The following ACER3 variants were observed in gnomAD, a reference collection of about 807,000 sequenced individuals.
ACER3 encodes alkaline ceramidase 3, also known as alkCDase 3.
In ACER3, 16 loss-of-function variants were observed where a neutral mutation model predicts 48.9. The ratio of observed to expected loss-of-function variants is 0.33; its 90% CI spans 0.22 to 0.50. ACER3 has a LOEUF of 0.50. Among genes scored for constraint, ACER3 ranks in the 20% least tolerant of loss-of-function variants. The pLI is 0.98. For missense variants in ACER3, 227 were observed against 326.0 expected, an observed-to-expected ratio of 0.70 and a Z score of 2.34; for synonymous variants, 109 against 107.8, an observed-to-expected ratio of 1.01 and a Z score of -0.07.
At chr11:76,887,666 T>A (rs1434879859) in intron 1 of ACER3, among the ~76,000 whole-genome samples, 1 of 152,134 alleles carries the variant, frequency 6.6e-6, no homozygotes, top group Non-Finnish European at 1.5e-5. Flanking sequence ...CTTAGAAAAG[T>A]GCTACCATTC....
chr11:76,995,513 A>G (rs1948892740), intron 6 of ACER3, among the ~76,000 whole-genome samples: 1 of 152,232 alleles, frequency 6.6e-6, no homozygotes, highest in Non-Finnish European at 1.5e-5. Context: ...ACTGAAAACA[A>G]CTATTAAATA....
At chr11:76,876,256 A>C (rs1945377274) in intron 1 of ACER3, among the ~76,000 whole-genome samples, 2 of 146,458 alleles carry the variant, frequency 1.4e-5, no homozygotes, top group Non-Finnish European at 1.5e-5. Context: ...TCTTTCCAGC[A>C]CAACCACTGT....
intron 5 of ACER3, 35 bp from the exon 6 acceptor site, chr11:76,990,504 C>A: frequency 7.0e-7 from 1 of 1,419,774 alleles, no homozygotes; most frequent in Non-Finnish European, 9.9e-7. Context: ...TCATAATGTA[C>A]TTCATTCACA....
intron 1 of ACER3, among the ~76,000 whole-genome samples, chr11:76,921,995 A>G (rs1428364150): frequency 6.6e-6 from 1 of 152,174 alleles, no homozygotes; most frequent in Non-Finnish European, 1.5e-5. Context: ...ATAGATAAAC[A>G]TCCCAATGAG....
At chr11:76,874,954 C>T (rs1353306385) in intron 1 of ACER3, among the ~76,000 whole-genome samples, 1 of 152,044 alleles carries the variant, frequency 6.6e-6, no homozygotes, top group African/African-American at 2.4e-5. Context: ...TGTCGTTTGT[C>T]ATTTGTAACT....
chr11:76,990,224 C>T (rs539240229), intron 5 of ACER3, among the ~76,000 whole-genome samples: 1 of 152,340 alleles, frequency 6.6e-6, no homozygotes, highest in African/African-American at 2.4e-5. Context: ...GGATTGTCAA[C>T]ATAACCTCTT....
chr11:76,912,943 A>G (rs1946422274), intron 1 of ACER3, among the ~76,000 whole-genome samples: 1 of 152,260 alleles, frequency 6.6e-6, no homozygotes, highest in East Asian at 1.9e-4. Context: ...GACTGAGGCA[A>G]TTTTCAGATC....
chr11:76,886,925 G>A (rs759023868), intron 1 of ACER3, among the ~76,000 whole-genome samples: 16 of 152,076 alleles, frequency 1.1e-4, no homozygotes, highest in Non-Finnish European at 1.9e-4. Context: ...CAATCCTCCC[G>A]CCTTGGCCTC....
rs60360580 is a variant in ACER3 at position 76,909,713 on chromosome 11, G to A, written c.104-16844G>A. ...CAACCATTGTGGAAGACAGTGTGGC[G>A]ATTCCTCAAGGATCTAGAACCAGAA... On this transcript the variant is annotated intron_variant, in intron 1 of 10. Coordinates refer to ENST00000532485, the MANE Select transcript of ACER3 (RefSeq NM_018367.7). 2.6e-3 allele frequency among the ~76,000 whole-genome samples: 393 copies of A among 152,266 alleles called. 4 individuals are homozygous for A. Among genetic ancestry groups the A allele is most frequent in the African/African-American group, 9.0e-3 (372 of 41,544 alleles).
At chr11:77,006,289 G>A (rs1555021023) in intron 7 of ACER3, among the ~76,000 whole-genome samples, 2 of 151,738 alleles carry the variant, frequency 1.3e-5, no homozygotes. Context: ...GCGCCTGGCT[G>A]TCTTTAATAT....
intron 1 of ACER3, among the ~76,000 whole-genome samples, chr11:76,914,592 TTGG>T (rs1946472725): frequency 6.6e-6 from 1 of 152,194 alleles, no homozygotes; most frequent in African/African-American, 2.4e-5. Context: ...TTTTACACTA[TTGG>T]TGGGAGTGTA....
intron 2 of ACER3, among the ~76,000 whole-genome samples, chr11:76,940,770 C>T (rs1947316669): frequency 6.6e-6 from 1 of 152,104 alleles, no homozygotes; most frequent in African/African-American, 2.4e-5. Context: ...AAGTATCCGT[C>T]CCTTCTATAA....
At chr11:76,990,602 A>C (rs531675760) in intron 6 of ACER3, 28 bp downstream of exon 6, 2 of 1,366,074 alleles carry the variant, frequency 1.5e-6, no homozygotes, top group African/African-American at 2.8e-5. Context: ...ATTACACATT[A>C]GATTGTTTAC....
At chr11:76,863,809 G>A (rs1945002917) in intron 1 of ACER3, among the ~76,000 whole-genome samples, 1 of 152,116 alleles carries the variant, frequency 6.6e-6, no homozygotes, top group African/African-American at 2.4e-5. Flanking sequence ...CAAAGATAAG[G>A]AGATTGAAGT....
Position 77,015,107 on chromosome 11 carries a change from G to A in ACER3, c.589G>A (p.Glu197Lys), listed in dbSNP as rs1182179631. The A allele has an allele frequency of 1.3e-6, 2 of 1,486,798 alleles. No individual in the cohort carries two copies. Among genetic ancestry groups the A allele is most frequent in the African/African-American group, 2.8e-5 (2 of 72,320 alleles). The allele number at this position is 1,486,798 out of a possible 1,614,324, so 92.1% of individuals were successfully genotyped here. A position where few individuals can be genotyped will look rare whatever the true frequency, so the allele number is the denominator to read the frequency against. Residue 197 changes from glutamate to lysine, a missense_variant, in exon 8 of 11, where the codon GAG becomes AAG. By Grantham distance (56) the Glu-to-Lys change is moderately conservative (BLOSUM62 1). This residue lies in a region of ACER3 where 195 missense variants were observed against 290.8 expected (regional missense o/e 0.67). Transcript: ENST00000532485. ...TTGGAATATAGATAACATATTTTGT[G>A]AGTCACTGAGGTAAGATATATTTTC... Reference protein sequence around the residue: ...LFWNIDNIFCESLRNFRKKVP... With the variant: ...LFWNIDNIFCKSLRNFRKKVP...
At chr11:76,974,761 G>A (rs751807302) in intron 3 of ACER3, among the ~76,000 whole-genome samples, 4 of 115,020 alleles carry the variant, frequency 3.5e-5, no homozygotes, top group Non-Finnish European at 7.7e-5. Flanking sequence ...AATTTTTACT[G>A]TTGTATGAAG....
At chr11:76,979,533 G>T (rs1948531503) in intron 4 of ACER3, among the ~76,000 whole-genome samples, 1 of 152,036 alleles carries the variant, frequency 6.6e-6, no homozygotes, top group African/African-American at 2.4e-5. Context: ...TGTGCCTGTA[G>T]TCCCAGCTAC....
chr11:77,015,786 G>A (rs1251106597), intron 8 of ACER3, among the ~76,000 whole-genome samples: 1 of 152,142 alleles, frequency 6.6e-6, no homozygotes, highest in Admixed American at 6.6e-5. Flanking sequence ...TCTACAGAAT[G>A]AATGACCTGG....
chr11:77,016,642 A>T (rs1555023385), intron 8 of ACER3, 33 bp from the exon 9 acceptor site: 1 of 1,206,424 alleles, frequency 8.3e-7, no homozygotes, highest in African/African-American at 1.5e-5. Context: ...TATTTTAAAA[A>T]TTTAACGTGA....
Sources: allele counts gnomAD v4.1 joint callset (sites outside exome capture counted in the v4.1 genomes callset), GRCh38; gene constraint gnomAD v4.1.1; regional missense constraint gnomAD v4.1.1; transcripts MANE v1.5; gene names NCBI Gene and HGNC (gene_info 2026-07-23, HGNC 2026-07-21).